Variants in TNPO3 observed in about 807,000 individuals in gnomAD.
TNPO3 encodes transportin-3.
TNPO3 carries 65 observed loss-of-function variants against 122.8 expected under a neutral mutation model. The ratio of observed to expected loss-of-function variants is 0.53; its 90% CI spans 0.43 to 0.65. TNPO3 has a LOEUF of 0.65. TNPO3 is among the 30% of genes least tolerant of loss of function. TNPO3 has a pLI of 0.00. For synonymous variants in TNPO3, 372 were observed against 411.2 expected (o/e 0.90, Z 1.15); for missense variants, 850 against 1,136.7 (o/e 0.75, Z 3.63).
rs1378806954 is a variant in TNPO3, at chr7:129,020,946, T to TG, written c.121-2790dup. 2.0e-5 allele frequency among the ~76,000 whole-genome samples: 3 copies of TG among 152,254 alleles called. No homozygotes were observed. The East Asian group carries it at 5.8e-4, about 29-fold the overall frequency. Reference sequence around the variant, plus strand: ...TGTGTGGTTTTAGTCTCAGTAAATGTGGAAGCAGAGGCAAACAACAGGGTG... The same window carrying TG: ...TGTGTGGTTTTAGTCTCAGTAAATGTGGGAAGCAGAGGCAAACAACAGGGTG... On this transcript the variant is annotated intron_variant, in intron 1 of 22. Coordinates refer to ENST00000265388, the MANE Select transcript of TNPO3 (RefSeq NM_012470.4).
At position 128,955,222 on chromosome 7, in the gene TNPO3, C is replaced by G. The variant is rs571184947; in HGVS notation, c.*195G>C. The G allele has an allele frequency of 7.3e-6, 3 of 413,314 alleles. No homozygotes were observed. The East Asian group carries it at 2.6e-4, about 36-fold the overall frequency. The allele number at this position is 413,314 out of a possible 1,614,324, so 25.6% of individuals were successfully genotyped here. A position where few individuals can be genotyped will look rare whatever the true frequency, so the allele number is the denominator to read the frequency against. Reference sequence around the variant, plus strand: ...CCGCGCTGATTTTCCCTCACACCCCCAAACAGGAACTCCTCAGGATGGCCT... The same window carrying G: ...CCGCGCTGATTTTCCCTCACACCCCGAAACAGGAACTCCTCAGGATGGCCT... On this transcript the variant is annotated 3_prime_UTR_variant, in exon 23 of 23. Transcript: ENST00000265388.
In TNPO3 at chr7:129,001,254, A is replaced by G. The variant is rs763178956; in HGVS notation, c.697-20T>C. The G allele has an allele frequency of 1.2e-4, 194 of 1,588,154 alleles. No homozygotes were observed. Among genetic ancestry groups the G allele is most frequent in the Non-Finnish European group, 1.5e-4 (174 of 1,160,360 alleles). Reference sequence around the variant, plus strand: ...CTGTTGCTGGGGAGGTAGCAGGAATAGGGAAGCAAGAAGTATGATCACTAA... The same window carrying G: ...CTGTTGCTGGGGAGGTAGCAGGAATGGGGAAGCAAGAAGTATGATCACTAA... On this transcript the variant is annotated intron_variant, in intron 5 of 22. Coordinates refer to ENST00000265388, the MANE Select transcript of TNPO3 (RefSeq NM_012470.4).
rs529774147 is a variant in TNPO3 at position 129,002,693 on chromosome 7, C to T, written c.697-1459G>A. On this transcript the variant is annotated intron_variant, in intron 5 of 22. Coordinates refer to ENST00000265388, the MANE Select transcript of TNPO3 (RefSeq NM_012470.4). ...CAGCACTTTGGGAGGCCAAGGTGGG[C>T]AGATCACAAGGTCAGGAGATCGAGA... 1.4e-3 allele frequency among the ~76,000 whole-genome samples: 208 copies of T among 151,804 alleles called. 1 individual carries two copies. The highest frequency in any genetic ancestry group is 6.8e-3 in the Middle Eastern group (2 of 292).
intron 7 of TNPO3, among the ~76,000 whole-genome samples, chr7:128,999,614 T>A (rs1285204628): frequency 2.8e-5 from 1 of 35,442 alleles, no homozygotes; most frequent in African/African-American, 1.3e-4. Flanking sequence ...TCTTTCTCAC[T>A]TTTTTTTTTT....
At position 128,979,107 on chromosome 7, in the gene TNPO3, G is replaced by C; in HGVS notation, c.1937C>G (p.Ser646Cys). 6.2e-7 allele frequency: 1 copy of C among 1,614,098 alleles called. No individual in the cohort carries two copies. Among genetic ancestry groups the C allele is most frequent in the Non-Finnish European group, 8.5e-7 (1 of 1,179,976 alleles). The change falls in exon 16 of 23, where the codon TCC (serine) becomes TGC (cysteine). Residue 646 changes from serine to cysteine, a missense_variant. Physicochemically the swap from Ser to Cys is moderately radical, Grantham distance 112. Coordinates refer to ENST00000265388, the MANE Select transcript of TNPO3 (RefSeq NM_012470.4). ...AGCTCGGTGCTTATTTAGAGTCTCG[G>C]ATAAAACTGGCCATATCTGGGTCAA... ...KVIQEIWPVL[S>C]ETLNKHRADN...
At chr7:128,972,192 C>G (rs1443922222) in intron 19 of TNPO3, among the ~76,000 whole-genome samples, 1 of 152,196 alleles carries the variant, frequency 6.6e-6, no homozygotes, top group Non-Finnish European at 1.5e-5. Flanking sequence ...CTCTCTTCAA[C>G]TAGACACCAA....
At chr7:129,028,991 T>G in intron 1 of TNPO3, 1 of 434,912 alleles carries the variant, frequency 2.3e-6, no homozygotes, top group Non-Finnish European at 4.5e-6. Context: ...TGAATTTTCT[T>G]CTGATGATGA....
rs1798011049 is a variant in TNPO3, at chr7:128,967,262, AC to A, written c.2711+17del. On this transcript the variant is annotated intron_variant, in intron 21 of 22. Transcript: ENST00000265388. ...TCCCACATCCCACACCTCCTTAAGA[AC>A]CCCCAGTATCACTCACCTAGTGACT... The A allele has an allele frequency of 2.0e-6, 3 of 1,469,704 alleles. No homozygotes were observed. The African/African-American group carries it at 4.2e-5, about 20-fold the overall frequency. The allele number at this position is 1,469,704 out of a possible 1,614,324, so 91.0% of individuals were successfully genotyped here.
intron 1 of TNPO3, among the ~76,000 whole-genome samples, chr7:129,027,594 A>AAAAG (rs1805396560): frequency 1.1e-5 from 1 of 93,542 alleles, no homozygotes; most frequent in Non-Finnish European, 2.4e-5. Context: ...AAAAAAAACA[A>AAAAG]CACAAAAAAT....
chr7:129,054,702 A>C lies in TNPO3; in HGVS notation c.69T>G (p.Asp23Glu). The change falls in exon 1 of 23, where the codon GAT (aspartate) becomes GAG (glutamate). Residue 23 changes from aspartate (D) to glutamate (E), a missense_variant. Transcript: ENST00000265388. ...AAGAGGCGCGCTCCTTTCCGCTGGG[A>C]TCTGGGTCGTGGTAAAGCGCCTGCA... ...QAVQALYHDP[D>E]PSGKERASFW... The C allele has an allele frequency of 6.2e-7, 1 of 1,614,080 alleles. No individual in the cohort carries two copies. Among genetic ancestry groups the C allele is most frequent in the Non-Finnish European group, 8.5e-7 (1 of 1,180,008 alleles).
intron 19 of TNPO3, among the ~76,000 whole-genome samples, chr7:128,971,541 T>G (rs903469518): frequency 3.9e-5 from 6 of 152,218 alleles, no homozygotes; most frequent in Non-Finnish European, 8.8e-5. Context: ...TTCTCTCTTT[T>G]ACTGCCAAAC....
intron 15 of TNPO3, among the ~76,000 whole-genome samples, chr7:128,979,330 G>C (rs1247182405): frequency 2.0e-5 from 3 of 152,188 alleles, no homozygotes; most frequent in African/African-American, 7.2e-5. Context: ...TGCCTCTTTA[G>C]AACTGGAAGA....
At chr7:128,976,997 T>G (rs927225227) in intron 16 of TNPO3, among the ~76,000 whole-genome samples, 9 of 152,176 alleles carry the variant, frequency 5.9e-5, no homozygotes, top group African/African-American at 2.2e-4. Context: ...CCCACTCAAG[T>G]TTGCCAGTGT....
intron 7 of TNPO3, 93 bp from the exon 8 acceptor site, chr7:128,997,628 A>G (rs1801472608): frequency 9.3e-7 from 1 of 1,076,654 alleles, no homozygotes; most frequent in Non-Finnish European, 1.3e-6. Context: ...GAAGAAAGAT[A>G]TATTTTTAAA....
At chr7:129,001,297 G>T in intron 5 of TNPO3, 63 bp from the exon 6 acceptor site, 1 of 1,415,052 alleles carries the variant, frequency 7.1e-7, no homozygotes. Context: ...TCTACAGTTG[G>T]CCCTGCACAC....
chr7:129,019,997 TTAAAAAA>T (rs1804282145), intron 1 of TNPO3, among the ~76,000 whole-genome samples: 2 of 151,612 alleles, frequency 1.3e-5, no homozygotes, highest in Middle Eastern at 3.4e-3. Flanking sequence ...CTAAAAAAAC[TTAAAAAA>T]TAAAAAATAA....
At position 128,992,094 on chromosome 7, in the gene TNPO3, G is replaced by C. The variant is rs927858346; in HGVS notation, c.1267-4C>G. On this transcript the variant is annotated splice_region_variant and splice_polypyrimidine_tract_variant and intron_variant, in intron 9 of 22. Coordinates refer to ENST00000265388, the MANE Select transcript of TNPO3 (RefSeq NM_012470.4). ...CTTCTTTCAGAGTAGAATATAACTAGAGAAGAAGAGGTGGATTATGGATCC... is the reference window on the plus strand; with the variant it reads ...CTTCTTTCAGAGTAGAATATAACTACAGAAGAAGAGGTGGATTATGGATCC... The C allele has an allele frequency of 4.4e-5, 68 of 1,544,854 alleles. No individual in the cohort carries two copies. Among genetic ancestry groups the C allele is most frequent in the Non-Finnish European group, 5.8e-5 (66 of 1,131,686 alleles).
At chr7:128,988,629 T>G (rs1317934454) in intron 11 of TNPO3, among the ~76,000 whole-genome samples, 1 of 152,148 alleles carries the variant, frequency 6.6e-6, no homozygotes, top group Non-Finnish European at 1.5e-5. Flanking sequence ...TCAACCTAGA[T>G]TTGCTGCTTT....
intron 21 of TNPO3, among the ~76,000 whole-genome samples, chr7:128,959,676 C>T (rs1797246354): frequency 6.6e-6 from 1 of 152,178 alleles, no homozygotes; most frequent in African/African-American, 2.4e-5. Flanking sequence ...AACACTTCAG[C>T]CAAATGTTTA....
Sources: gnomAD v4.1 joint callset for allele counts (sites outside exome capture counted in the v4.1 genomes callset) on GRCh38, gnomAD v4.1.1 for gene constraint, MANE v1.5 for transcripts, NCBI Gene and HGNC (gene_info 2026-07-23, HGNC 2026-07-21) for gene names.